The following PPP1R21 variants were observed in gnomAD, a reference collection of about 807,000 sequenced individuals.
The protein encoded by PPP1R21 is protein phosphatase 1 regulatory subunit 21, also known as KLRAQ motif containing 1.
PPP1R21 carries 85 observed loss-of-function variants against 112.8 expected under a neutral mutation model. The observed-to-expected ratio is 0.75, with a 90% CI of 0.63 to 0.90. The LOEUF is 0.90. Among genes scored for constraint, PPP1R21 ranks in the 40% least tolerant of loss-of-function variants. The pLI is 0.00. For synonymous variants in PPP1R21, 381 were observed against 322.3 expected (o/e 1.18, Z -1.95); for missense variants, 1,199 against 901.5 (o/e 1.33, Z -4.23).
chr2:48,452,798 A>G (rs927097413), intron 2 of PPP1R21, among the ~76,000 whole-genome samples: 3 of 152,160 alleles, frequency 2.0e-5, no homozygotes, highest in Non-Finnish European at 4.4e-5. Flanking sequence ...CCTTTGAACT[A>G]CAAGTAAAAA....
intron 12 of PPP1R21, among the ~76,000 whole-genome samples, chr2:48,478,767 C>T (rs560300482): frequency 3.3e-5 from 5 of 152,292 alleles, no homozygotes; most frequent in South Asian, 2.1e-4. Context: ...TAACTTATAT[C>T]GCTAATCTAC....
At chr2:48,493,011 CTTTTTTTTTTTTT>C (rs746795481) in intron 15 of PPP1R21, among the ~76,000 whole-genome samples, 2 of 96,662 alleles carry the variant, frequency 2.1e-5, no homozygotes, top group South Asian at 3.6e-4. Flanking sequence ...GGTCATTTAC[CTTTTTTTTTTTTT>C]TTTTTTTTTT....
chr2:48,459,196 CAA>C (rs1428399814), intron 4 of PPP1R21, among the ~76,000 whole-genome samples: 1 of 150,998 alleles, frequency 6.6e-6, no homozygotes, highest in Non-Finnish European at 1.5e-5. Context: ...CACACACACA[CAA>C]ACAGACACGC....
At chr2:48,449,197 G>A (rs917469008) in intron 1 of PPP1R21, among the ~76,000 whole-genome samples, 2 of 151,960 alleles carry the variant, frequency 1.3e-5, no homozygotes, top group Admixed American at 6.5e-5. Context: ...AAACATATCT[G>A]TTGTCATTTT....
chr2:48,471,179 G>A lies in PPP1R21; in HGVS notation c.990G>A (p.Val330=), dbSNP rs983069234. Residue 330 remains valine, a synonymous_variant, in exon 10 of 22, where the codon GTG becomes GTA. Transcript: ENST00000294952. ...HLFESITEDT[V]TVLETTVKLK... ...TTGAAAGTATCACTGAGGATACTGT[G>A]ACTGTCTTGGTAATTTTCTTCCTTG... 1 of 1,610,532 alleles carries A rather than the reference G, an allele frequency of 6.2e-7. No homozygotes were observed. The highest frequency in any genetic ancestry group is 1.3e-5 in the African/African-American group (1 of 75,004).
At chr2:48,459,998 C>T (rs1572841343) in intron 5 of PPP1R21, 80 bp downstream of exon 5, 1 of 1,589,968 alleles carries the variant, frequency 6.3e-7, no homozygotes, top group Non-Finnish European at 8.6e-7. Context: ...TAGAGTTAGT[C>T]ATTTCTGGTG....
At position 48,444,047 on chromosome 2, in the gene PPP1R21, A is replaced by AC. The variant is rs540591702; in HGVS notation, c.57+3037_57+3038insC. Among the ~76,000 whole-genome samples the AC allele has an allele frequency of 2.8e-3, 422 of 152,080 alleles. 3 individuals carry two copies. Among genetic ancestry groups the AC allele is most frequent in the African/African-American group, 9.6e-3 (398 of 41,362 alleles). ...TTTCCTCTTGAAAAGGAAGAAAAAA[A>AC]AAACCAAACAAACAGTGGTCTGAGG... On this transcript the variant is annotated intron_variant, in intron 1 of 21. Coordinates refer to ENST00000294952, the MANE Select transcript of PPP1R21 (RefSeq NM_001135629.3).
rs904913386 is a variant in PPP1R21, at chr2:48,497,080, G to C, written c.1692+1309G>C. On this transcript the variant is annotated intron_variant, in intron 16 of 21. Transcript: ENST00000294952. ...GTCATGGGAACCTCAATTTAAAGCCGGTTAGTCACAAGTTCTCAAGGTCCA... is the reference window on the plus strand; with the variant it reads ...GTCATGGGAACCTCAATTTAAAGCCCGTTAGTCACAAGTTCTCAAGGTCCA... Among the ~76,000 whole-genome samples the C allele has an allele frequency of 2.0e-5, 3 of 152,274 alleles. No individual in the cohort carries two copies. In the South Asian group the frequency reaches 6.2e-4, roughly 32 times the overall value.
chr2:48,461,086 T>C lies in PPP1R21; in HGVS notation c.600-52T>C, dbSNP rs1224914373. 8.4e-6 allele frequency: 13 copies of C among 1,542,424 alleles called. No homozygotes were observed. The East Asian group carries it at 3.2e-4, about 38-fold the overall frequency. On this transcript the variant is annotated intron_variant, in intron 6 of 21. Coordinates refer to ENST00000294952, the MANE Select transcript of PPP1R21 (RefSeq NM_001135629.3). The stretch of plus-strand genomic sequence containing the variant: ...TGTTGAGGTAACAAATAAATGAGGA[T>C]TCACTCAGTGATTGGTGATAATGTG...
chr2:48,466,679 T>C (rs554492953), intron 9 of PPP1R21, among the ~76,000 whole-genome samples: 20 of 151,956 alleles, frequency 1.3e-4, no homozygotes, highest in African/African-American at 4.8e-4. Context: ...ATTAGCAAGG[T>C]TTAAATAGGA....
At chr2:48,456,969 T>G (rs1667755190) in intron 3 of PPP1R21, among the ~76,000 whole-genome samples, 2 of 152,056 alleles carry the variant, frequency 1.3e-5, no homozygotes, top group Non-Finnish European at 2.9e-5. Context: ...GGAGAATTGC[T>G]TGAATCCAGG....
chr2:48,457,839 C>A (rs535873163), intron 3 of PPP1R21, among the ~76,000 whole-genome samples: 2 of 152,292 alleles, frequency 1.3e-5, no homozygotes, highest in Admixed American at 1.3e-4. Flanking sequence ...TAGGTCTGCT[C>A]CGTCCTCCAG....
intron 4 of PPP1R21, among the ~76,000 whole-genome samples, chr2:48,459,183 A>G: frequency 6.6e-6 from 1 of 151,600 alleles, no homozygotes; most frequent in East Asian, 1.9e-4. Context: ...TAGGAAACAC[A>G]CACACACACA....
chr2:48,501,438 T>C (rs1052079974), intron 17 of PPP1R21, among the ~76,000 whole-genome samples: 12 of 152,164 alleles, frequency 7.9e-5, no homozygotes, highest in African/African-American at 2.9e-4. Context: ...CTAAGGACTT[T>C]CCAAAGTATT....
chr2:48,513,442 C>G (rs543538811), intron 21 of PPP1R21, among the ~76,000 whole-genome samples: 2 of 151,912 alleles, frequency 1.3e-5, no homozygotes, highest in East Asian at 1.9e-4. Context: ...ACTCCCAGGC[C>G]CAAGTGATAA....
chr2:48,512,894 G>A (rs1339990001), intron 21 of PPP1R21, among the ~76,000 whole-genome samples: 1 of 152,150 alleles, frequency 6.6e-6, no homozygotes, highest in Admixed American at 6.6e-5. Flanking sequence ...CCATATTCCA[G>A]CAGAGCAATA....
chr2:48,441,659 A>G (rs1471599680), intron 1 of PPP1R21, among the ~76,000 whole-genome samples: 1 of 152,246 alleles, frequency 6.6e-6, no homozygotes, highest in South Asian at 2.1e-4. Flanking sequence ...ATACACATTA[A>G]GCAACATGGG....
At chr2:48,505,841 C>A (rs536620884) in intron 18 of PPP1R21, among the ~76,000 whole-genome samples, 1 of 152,282 alleles carries the variant, frequency 6.6e-6, no homozygotes, top group African/African-American at 2.4e-5. Flanking sequence ...AGTGACTTGC[C>A]ATGGAGATTT....
intron 6 of PPP1R21, 117 bp from the exon 7 acceptor site, chr2:48,461,021 C>A: frequency 6.9e-7 from 1 of 1,442,338 alleles, no homozygotes; most frequent in South Asian, 1.5e-5. Context: ...CAAGAGTATC[C>A]CAGATGTCAG....
Sources: gnomAD v4.1 joint callset for allele counts (sites outside exome capture counted in the v4.1 genomes callset) on GRCh38, gnomAD v4.1.1 for gene constraint, MANE v1.5 for transcripts, NCBI Gene and HGNC (gene_info 2026-07-23, HGNC 2026-07-21) for gene names.